DSCAM: variants seen among roughly 807,000 people sequenced by gnomAD.
DSCAM encodes DS cell adhesion molecule.
DSCAM carries 47 observed loss-of-function variants against 217.7 expected under a neutral mutation model. The ratio of observed to expected loss-of-function variants is 0.22; its 90% CI spans 0.17 to 0.28. DSCAM has a LOEUF of 0.28. DSCAM is among the 10% of genes least tolerant of loss of function. The probability of loss-of-function intolerance (pLI) is 1.00; values close to 1 mark genes in which losing one functional copy is unlikely to be tolerated. For synonymous variants in DSCAM, 1,056 were observed against 1,015.3 expected (o/e 1.04, Z -0.76); for missense variants, 2,080 against 2,618.3 (o/e 0.79, Z 4.49).
chr21:40,821,682 A>ATT (rs1439305895), intron 1 of DSCAM, among the ~76,000 whole-genome samples: 5 of 151,860 alleles, frequency 3.3e-5, no homozygotes, highest in Non-Finnish European at 7.4e-5. Context: ...TATCTTGTCT[A>ATT]TTATTGGTGG....
intron 3 of DSCAM, among the ~76,000 whole-genome samples, chr21:40,378,277 C>G (rs16999716): frequency 0.023 from 3,519 of 152,214 alleles, 147 homozygotes; most frequent in African/African-American, 0.08. Context: ...ATGAGAGATT[C>G]TTTTCATACA....
In DSCAM at chr21:40,637,338, A is replaced by T. The variant is rs867349323; in HGVS notation, c.508+55472T>A. Among the ~76,000 whole-genome samples the T allele has an allele frequency of 6.7e-3, 17 of 2,526 alleles. 1 individual carries two copies. The highest frequency in any genetic ancestry group is 0.014 in the South Asian group (1 of 74). The allele number at this position is 2,526 out of a possible 152,430, so 1.7% of individuals were successfully genotyped here. A position where few individuals can be genotyped will look rare whatever the true frequency, so the allele number is the denominator to read the frequency against. ...ATATATATAAATATAAATATATATA[A>T]AAATATATATAAATATAAATATATA... On this transcript the variant is annotated intron_variant, in intron 3 of 32. Transcript: ENST00000400454.
At chr21:40,181,185 C>A (rs969363943) in intron 14 of DSCAM, among the ~76,000 whole-genome samples, 1 of 151,600 alleles carries the variant, frequency 6.6e-6, no homozygotes, top group Non-Finnish European at 1.5e-5. Flanking sequence ...CGCCTAAGAA[C>A]TTTTTTATTG....
At chr21:40,589,425 C>A (rs988810574) in intron 3 of DSCAM, among the ~76,000 whole-genome samples, 1 of 151,864 alleles carries the variant, frequency 6.6e-6, no homozygotes, top group Admixed American at 6.6e-5. Context: ...AAAATACAAA[C>A]ATTAGCTGGG....
intron 3 of DSCAM, among the ~76,000 whole-genome samples, chr21:40,663,792 G>C (rs1210229978): frequency 5.3e-5 from 8 of 152,330 alleles, no homozygotes; most frequent in African/African-American, 1.9e-4. Context: ...GCTCCTGTCA[G>C]AGTTTCTGGA....
chr21:40,500,590 T>A (rs922984599), intron 3 of DSCAM, among the ~76,000 whole-genome samples: 2 of 152,200 alleles, frequency 1.3e-5, no homozygotes, highest in African/African-American at 4.8e-5. Context: ...CTTCAGCATA[T>A]TAAAGCTCCA....
At chr21:40,466,599 T>C (rs2075847405) in intron 3 of DSCAM, among the ~76,000 whole-genome samples, 1 of 149,732 alleles carries the variant, frequency 6.7e-6, no homozygotes, top group Non-Finnish European at 1.5e-5. Context: ...GTTTGTTTTG[T>C]TTTGTTTTTT....
intron 11 of DSCAM, among the ~76,000 whole-genome samples, chr21:40,271,635 C>T (rs955687595): frequency 5.9e-5 from 9 of 152,178 alleles, no homozygotes; most frequent in African/African-American, 1.9e-4. Context: ...AACTGGGTCA[C>T]GCAAATCTGC....
intron 4 of DSCAM, among the ~76,000 whole-genome samples, chr21:40,359,398 A>C: frequency 6.6e-6 from 1 of 152,224 alleles, no homozygotes; most frequent in Non-Finnish European, 1.5e-5. Context: ...TACTTGCCAA[A>C]TAAAAGCAGC....
intron 11 of DSCAM, among the ~76,000 whole-genome samples, chr21:40,257,450 G>T (rs2073388135): frequency 7.8e-6 from 1 of 128,466 alleles, no homozygotes; most frequent in African/African-American, 2.9e-5. Context: ...CAGATTCAAA[G>T]GGCTGGCTGT....
At chr21:40,407,305 T>C (rs373851192) in intron 3 of DSCAM, among the ~76,000 whole-genome samples, 1 of 152,320 alleles carries the variant, frequency 6.6e-6, no homozygotes, top group South Asian at 2.1e-4. Flanking sequence ...CCACTAAAAC[T>C]AAATTTTAAA....
At position 40,266,667 on chromosome 21, in the gene DSCAM, AT is replaced by A. The variant is rs1569032010; in HGVS notation, c.2356+9429del. Among the ~76,000 whole-genome samples the A allele has an allele frequency of 3.9e-4, 52 of 132,390 alleles. 1 individual carries two copies. Among genetic ancestry groups the A allele is most frequent in the African/African-American group, 1.4e-3 (45 of 31,756 alleles). The allele number at this position is 132,390 out of a possible 152,430, so 86.9% of individuals were successfully genotyped here. ...TATATATATATATATATATATATAT[AT>A]ATAATCTTGAAATTTTATATATATA... On this transcript the variant is annotated intron_variant, in intron 11 of 32. Transcript: ENST00000400454.
chr21:40,062,984 G>T, intron 27 of DSCAM, 85 bp from the exon 28 acceptor site: 1 of 1,224,472 alleles, frequency 8.2e-7, no homozygotes, highest in Non-Finnish European at 1.1e-6. Flanking sequence ...TCTACAGTCA[G>T]ATCAGAACAG....
intron 3 of DSCAM, among the ~76,000 whole-genome samples, chr21:40,645,306 CCA>C (rs1328157313): frequency 4.6e-5 from 7 of 152,072 alleles, no homozygotes; most frequent in African/African-American, 1.7e-4. Flanking sequence ...GCATCCGAAA[CCA>C]CAGAGATGCA....
chr21:40,562,238 C>CACG (rs1279460367), intron 3 of DSCAM, among the ~76,000 whole-genome samples: 1 of 152,168 alleles, frequency 6.6e-6, no homozygotes, highest in African/African-American at 2.4e-5. Context: ...ATGCGGTTCT[C>CACG]ATGATAGTGA....
intron 1 of DSCAM, among the ~76,000 whole-genome samples, chr21:40,814,855 G>T (rs1378638723): frequency 6.6e-6 from 1 of 152,110 alleles, no homozygotes; most frequent in Non-Finnish European, 1.5e-5. Context: ...ATTACCTCAC[G>T]GTAAAGGAAA....
intron 3 of DSCAM, among the ~76,000 whole-genome samples, chr21:40,654,837 C>T (rs1601825262): frequency 1.3e-5 from 2 of 152,270 alleles, no homozygotes; most frequent in South Asian, 4.1e-4. Context: ...TCTGCAAAAT[C>T]CTTTTTGCCA....
chr21:40,764,660 T>C (rs2091369212), intron 1 of DSCAM, among the ~76,000 whole-genome samples: 2 of 152,220 alleles, frequency 1.3e-5, no homozygotes, highest in South Asian at 2.1e-4. Flanking sequence ...TGTATGTTTA[T>C]TGCTGCATTA....
At chr21:40,366,043 A>G (rs980497461) in intron 4 of DSCAM, among the ~76,000 whole-genome samples, 1 of 152,076 alleles carries the variant, frequency 6.6e-6, no homozygotes, top group Non-Finnish European at 1.5e-5. Flanking sequence ...AGTAACTTGA[A>G]CTTATTTTCT....
Sources: allele counts gnomAD v4.1 joint callset (sites outside exome capture counted in the v4.1 genomes callset), GRCh38; gene constraint gnomAD v4.1.1; transcripts MANE v1.5; gene names NCBI Gene and HGNC (gene_info 2026-07-23, HGNC 2026-07-21).